FAF1: variants seen among roughly 807,000 people sequenced by gnomAD.
The protein encoded by FAF1 is Fas associated factor 1.
In FAF1, 25 loss-of-function variants were observed where a neutral mutation model predicts 92.5. The ratio of observed to expected loss-of-function variants is 0.27; its 90% CI spans 0.20 to 0.38. FAF1 has a LOEUF of 0.38. Among genes scored for constraint, FAF1 ranks in the 10% least tolerant of loss-of-function variants. The probability of loss-of-function intolerance (pLI) is 1.00; values close to 1 mark genes in which losing one functional copy is unlikely to be tolerated. For synonymous variants in FAF1, 234 were observed against 273.2 expected (o/e 0.86, Z 1.42); for missense variants, 636 against 793.3 (o/e 0.80, Z 2.38).
chr1:50,606,577 A>G (rs752032762), intron 8 of FAF1, among the ~76,000 whole-genome samples: 8 of 135,556 alleles, frequency 5.9e-5, no homozygotes, highest in Non-Finnish European at 1.1e-4. Flanking sequence ...TCAGCTCACC[A>G]CAACCTCCGC....
At position 50,841,120 on chromosome 1, in the gene FAF1, G is replaced by A. The variant is rs572644820; in HGVS notation, c.114+16809C>T. Among the ~76,000 whole-genome samples, 5 of 152,110 alleles carry A rather than the reference G, an allele frequency of 3.3e-5. 1 individual carries two copies. The highest frequency in any genetic ancestry group is 2.1e-4 in the South Asian group (1 of 4,824). On this transcript the variant is annotated intron_variant, in intron 2 of 18. Transcript: ENST00000396153. ...GCACTACTATGGCCAAAGATGTGGCGCAGCAATGGCTCCACTACAGCAGTA... is the reference window on the plus strand; with the variant it reads ...GCACTACTATGGCCAAAGATGTGGCACAGCAATGGCTCCACTACAGCAGTA...
intron 7 of FAF1, among the ~76,000 whole-genome samples, chr1:50,689,518 A>C (rs868428474): frequency 1.3e-4 from 20 of 152,228 alleles, no homozygotes; most frequent in African/African-American, 4.8e-4. Flanking sequence ...CGGGAGGCAG[A>C]GGTTGCAGTG....
chr1:50,913,899 A>G (rs888867132), intron 1 of FAF1, among the ~76,000 whole-genome samples: 2 of 152,156 alleles, frequency 1.3e-5, no homozygotes, highest in African/African-American at 4.8e-5. Flanking sequence ...TCACCAATCC[A>G]TGTTCTGATG....
At chr1:50,758,914 C>T (rs1660197760) in intron 4 of FAF1, among the ~76,000 whole-genome samples, 1 of 152,050 alleles carries the variant, frequency 6.6e-6, no homozygotes, top group Non-Finnish European at 1.5e-5. Context: ...GCGATCTCGG[C>T]TCTCTGCAAG....
intron 14 of FAF1, among the ~76,000 whole-genome samples, chr1:50,538,950 C>T (rs1373333555): frequency 4.6e-5 from 7 of 152,190 alleles, no homozygotes; most frequent in Non-Finnish European, 1.0e-4. Flanking sequence ...ATCTTTTCCC[C>T]AGTGGCATAG....
intron 15 of FAF1, among the ~76,000 whole-genome samples, chr1:50,528,687 G>C (rs945766475): frequency 6.6e-6 from 1 of 152,158 alleles, no homozygotes; most frequent in East Asian, 1.9e-4. Flanking sequence ...TCTGAACTGT[G>C]TAAGTCCACT....
intron 1 of FAF1, among the ~76,000 whole-genome samples, chr1:50,945,736 C>CT (rs1445773403): frequency 6.6e-6 from 1 of 152,204 alleles, no homozygotes; most frequent in Admixed American, 6.5e-5. Context: ...CAGTCTATAG[C>CT]TTTCCAAGTG....
At chr1:50,933,135 T>C (rs1490313596) in intron 1 of FAF1, among the ~76,000 whole-genome samples, 3 of 152,168 alleles carry the variant, frequency 2.0e-5, no homozygotes, top group African/African-American at 4.8e-5. Context: ...CTGGAGACAT[T>C]TTCCCCAGGT....
rs778807149 is a variant in FAF1, at chr1:50,596,176, C to A, written c.785G>T (p.Arg262Leu). The change falls in exon 9 of 19, where the codon CGA becomes CTA. Residue 262 changes from arginine to leucine, a missense_variant. Transcript: ENST00000396153. Reference protein sequence around the residue: ...AESGLSYPCHRLTVGRRSSPA... With the variant: ...AESGLSYPCHLLTVGRRSSPA... ...TGAAGATCTTCTTCCCACTGTAAGT[C>A]GATGGCAGGGATAAGAGAGCCCTGA... The A allele has an allele frequency of 6.2e-7, 1 of 1,613,736 alleles. No homozygotes were observed. The highest frequency in any genetic ancestry group is 1.3e-5 in the African/African-American group (1 of 74,860).
At chr1:50,479,854 G>T (rs3789576) in intron 17 of FAF1, among the ~76,000 whole-genome samples, 12,722 of 152,128 alleles carry the variant, frequency 0.084, 571 homozygotes, top group East Asian at 0.093. Flanking sequence ...GAGATACGAG[G>T]TAAATCAGCA....
At chr1:50,953,822 A>G (rs762263300) in intron 1 of FAF1, among the ~76,000 whole-genome samples, 18 of 152,240 alleles carry the variant, frequency 1.2e-4, no homozygotes, top group African/African-American at 1.7e-4. Flanking sequence ...ACTAGGGGTG[A>G]AAAACAAAAG....
chr1:50,720,603 C>T (rs1658367920), intron 6 of FAF1, among the ~76,000 whole-genome samples: 1 of 152,124 alleles, frequency 6.6e-6, no homozygotes, highest in African/African-American at 2.4e-5. Context: ...GAACAGCTGA[C>T]ACAAACACAG....
At chr1:50,717,448 C>A (rs767979253) in intron 6 of FAF1, among the ~76,000 whole-genome samples, 2 of 152,132 alleles carry the variant, frequency 1.3e-5, no homozygotes, top group Non-Finnish European at 1.5e-5. Flanking sequence ...GCACCATGGT[C>A]TTGGACTTTT....
chr1:50,714,076 T>C (rs1193958788), intron 6 of FAF1, among the ~76,000 whole-genome samples: 1 of 152,014 alleles, frequency 6.6e-6, no homozygotes, highest in East Asian at 1.9e-4. Context: ...TGGCCTGATA[T>C]ACAAACTTTT....
At chr1:50,886,553 G>A (rs565241580) in intron 1 of FAF1, among the ~76,000 whole-genome samples, 15 of 140,778 alleles carry the variant, frequency 1.1e-4, no homozygotes, top group Admixed American at 5.6e-4. Context: ...AACAGGCCCC[G>A]GTGTGTGATT....
In FAF1 at chr1:50,620,375, T is replaced by A. The variant is rs576108233; in HGVS notation, c.745-24159A>T. Among the ~76,000 whole-genome samples, 15 of 152,370 alleles carry A rather than the reference T, an allele frequency of 9.8e-5. 2 individuals carry two copies. The South Asian group carries it at 3.1e-3, about 32-fold the overall frequency. The stretch of plus-strand genomic sequence containing the variant: ...TGTTGTTCATACTTGTATTGTATTA[T>A]GAAATTCTTGTAGTAAACTTAGCAG... On this transcript the variant is annotated intron_variant, in intron 8 of 18. Coordinates refer to ENST00000396153, the MANE Select transcript of FAF1 (RefSeq NM_007051.3).
At chr1:50,867,502 C>T (rs781244454) in intron 1 of FAF1, among the ~76,000 whole-genome samples, 2 of 151,822 alleles carry the variant, frequency 1.3e-5, no homozygotes, top group Non-Finnish European at 2.9e-5. Flanking sequence ...ACAAACAATC[C>T]TATTAAAAAC....
intron 4 of FAF1, among the ~76,000 whole-genome samples, chr1:50,778,704 T>C (rs2124557981): frequency 6.6e-6 from 1 of 152,246 alleles, no homozygotes; most frequent in Admixed American, 6.5e-5. Flanking sequence ...GGTCTTGCTA[T>C]CTCAGGGCTG....
At chr1:50,454,543 C>A (rs1646329906) in intron 18 of FAF1, among the ~76,000 whole-genome samples, 1 of 152,184 alleles carries the variant, frequency 6.6e-6, no homozygotes, top group Admixed American at 6.5e-5. Context: ...CCCTCATATG[C>A]CTATCCCATT....
Sources: allele counts gnomAD v4.1 joint callset (sites outside exome capture counted in the v4.1 genomes callset), GRCh38; gene constraint gnomAD v4.1.1; transcripts MANE v1.5; gene names NCBI Gene and HGNC (gene_info 2026-07-23, HGNC 2026-07-21).